GLRA3: variants seen among roughly 807,000 people sequenced by gnomAD.
The protein encoded by GLRA3 is glycine receptor alpha 3.
In GLRA3, 44 loss-of-function variants were observed where a neutral mutation model predicts 60.4. The observed-to-expected ratio is 0.73, with a 90% CI of 0.57 to 0.94. The LOEUF is 0.94. Ranked by LOEUF, GLRA3 falls within the 40% of genes least tolerant of loss-of-function variation. The pLI is 0.00. For synonymous variants in GLRA3, 223 were observed against 192.9 expected (o/e 1.16, Z -1.29); for missense variants, 508 against 564.6 (o/e 0.90, Z 1.02).
At chr4:174,762,628 A>G (rs932350664) in intron 3 of GLRA3, among the ~76,000 whole-genome samples, 1 of 152,296 alleles carries the variant, frequency 6.6e-6, no homozygotes, top group Middle Eastern at 3.4e-3. Flanking sequence ...TCTAACTTCT[A>G]ACGTTCTCAC....
chr4:174,762,453 C>T (rs1737977781), intron 3 of GLRA3, among the ~76,000 whole-genome samples: 1 of 152,098 alleles, frequency 6.6e-6, no homozygotes, highest in African/African-American at 2.4e-5. Flanking sequence ...CTTATCATCT[C>T]AGTGATTTTT....
Position 174,643,735 on chromosome 4 carries a change from A to T in GLRA3, c.*51T>A, listed in dbSNP as rs766902834. The T allele has an allele frequency of 2.5e-6, 4 of 1,580,800 alleles. No individual in the cohort carries two copies. In the East Asian group the frequency reaches 9.0e-5, roughly 35 times the overall value. On this transcript the variant is annotated 3_prime_UTR_variant, in exon 10 of 10. Transcript: ENST00000274093. ...ACATATACACATACACACCTATGGC[A>T]GAGACACTTTCTTCTGAATTGACCA...
intron 4 of GLRA3, among the ~76,000 whole-genome samples, chr4:174,724,500 T>C (rs1736247770): frequency 6.6e-6 from 1 of 152,266 alleles, no homozygotes; most frequent in South Asian, 2.1e-4. Flanking sequence ...ATTTGTTTCT[T>C]TCATTTTCCC....
chr4:174,700,456 TG>T (rs1561064180), intron 5 of GLRA3, among the ~76,000 whole-genome samples: 1 of 152,172 alleles, frequency 6.6e-6, no homozygotes, highest in African/African-American at 2.4e-5. Context: ...TAATTGTTTT[TG>T]GGTGCTACAA....
intron 9 of GLRA3, among the ~76,000 whole-genome samples, chr4:174,645,366 C>T (rs1293890318): frequency 2.7e-5 from 4 of 148,026 alleles, no homozygotes; most frequent in East Asian, 2.0e-4. Context: ...GAGCTGAGAT[C>T]GCACCACTGC....
chr4:174,684,479 A>G (rs1430249281), intron 5 of GLRA3, among the ~76,000 whole-genome samples: 1 of 152,210 alleles, frequency 6.6e-6, no homozygotes, highest in Non-Finnish European at 1.5e-5. Context: ...CTAAAATTTC[A>G]TATTTCTATA....
intron 7 of GLRA3, among the ~76,000 whole-genome samples, chr4:174,675,335 T>C (rs1734074066): frequency 6.6e-6 from 1 of 152,198 alleles, no homozygotes; most frequent in African/African-American, 2.4e-5. Flanking sequence ...CATTCTTCTT[T>C]TTTTTAAGTT....
At position 174,682,915 on chromosome 4, in the gene GLRA3, A is replaced by G. The variant is rs781276380; in HGVS notation, c.599T>C (p.Ile200Thr). ...ESFGYTMNDL[I>T]FEWQDEAPVQ... ...GGGTGCCTCATCTTGCCATTCAAAAATGAGATCATTCATTGTGTACCCAAC... is the reference window on the plus strand; with the variant it reads ...GGGTGCCTCATCTTGCCATTCAAAAGTGAGATCATTCATTGTGTACCCAAC... Residue 200 changes from isoleucine to threonine, a missense_variant, in exon 6 of 10, where the codon ATT becomes ACT. By Grantham distance (89) the Ile-to-Thr change is moderately conservative. Transcript: ENST00000274093. The G allele has an allele frequency of 6.2e-7, 1 of 1,613,230 alleles. No homozygotes were observed. The highest frequency in any genetic ancestry group is 8.5e-7 in the Non-Finnish European group (1 of 1,179,182).
At chr4:174,699,912 C>A (rs1735239972) in intron 5 of GLRA3, among the ~76,000 whole-genome samples, 1 of 151,176 alleles carries the variant, frequency 6.6e-6, no homozygotes, top group Admixed American at 6.6e-5. Flanking sequence ...ATTTGTTAAA[C>A]TTAACAAAAT....
At position 174,777,147 on chromosome 4, in the gene GLRA3, A is replaced by G. The variant is rs1191256566; in HGVS notation, c.200-10117T>C. Among the ~76,000 whole-genome samples the G allele has an allele frequency of 2.6e-5, 4 of 152,202 alleles. No homozygotes were observed. The East Asian group carries it at 5.8e-4, about 22-fold the overall frequency. ...TAAGCAAAAATCCTCCTACTGAAAA[A>G]TGTCCAGAGATAGGCAGAAAAAAAT... On this transcript the variant is annotated intron_variant, in intron 2 of 9. Transcript: ENST00000274093.
At chr4:174,778,072 A>T (rs1738679988) in intron 2 of GLRA3, among the ~76,000 whole-genome samples, 1 of 152,158 alleles carries the variant, frequency 6.6e-6, no homozygotes, top group African/African-American at 2.4e-5. Flanking sequence ...AGAAACTACC[A>T]GTTTCAAGGA....
At chr4:174,742,972 T>C (rs1045186117) in intron 3 of GLRA3, among the ~76,000 whole-genome samples, 1 of 152,174 alleles carries the variant, frequency 6.6e-6, no homozygotes, top group Non-Finnish European at 1.5e-5. Context: ...ACAACCTATT[T>C]GATTATATAA....
chr4:174,818,238 G>T (rs1375627796), intron 1 of GLRA3, among the ~76,000 whole-genome samples: 1 of 152,104 alleles, frequency 6.6e-6, no homozygotes, highest in Non-Finnish European at 1.5e-5. Context: ...TAAAATAAAT[G>T]AGCTATTTCT....
At chr4:174,747,472 GA>G (rs1367123729) in intron 3 of GLRA3, among the ~76,000 whole-genome samples, 1 of 152,126 alleles carries the variant, frequency 6.6e-6, no homozygotes, top group African/African-American at 2.4e-5. Flanking sequence ...GCCAATGAAA[GA>G]GCAGAAAAAT....
chr4:174,793,466 A>ATT (rs1739442865), intron 1 of GLRA3, among the ~76,000 whole-genome samples: 1 of 145,786 alleles, frequency 6.9e-6, no homozygotes, highest in Non-Finnish European at 1.5e-5. Context: ...ATTTATTTAT[A>ATT]TTTAGAGACA....
intron 2 of GLRA3, among the ~76,000 whole-genome samples, chr4:174,778,819 C>T (rs1738724761): frequency 1.3e-5 from 2 of 152,140 alleles, no homozygotes; most frequent in Non-Finnish European, 2.9e-5. Context: ...TTGGAGGGTC[C>T]TACCCCACGG....
chr4:174,820,919 A>G (rs1403556869), intron 1 of GLRA3, among the ~76,000 whole-genome samples: 1 of 151,776 alleles, frequency 6.6e-6, no homozygotes, highest in African/African-American at 2.4e-5. Context: ...TTTAAATTTC[A>G]TAGTAACATT....
intron 1 of GLRA3, among the ~76,000 whole-genome samples, chr4:174,804,587 T>C (rs1739957460): frequency 2.6e-5 from 4 of 152,080 alleles, no homozygotes; most frequent in Admixed American, 2.6e-4. Context: ...GTCCTCAAGA[T>C]TGAAGTAGTG....
intron 5 of GLRA3, among the ~76,000 whole-genome samples, chr4:174,687,382 C>T (rs144769384): frequency 6.6e-6 from 1 of 152,220 alleles, no homozygotes; most frequent in African/African-American, 2.4e-5. Context: ...AATGGGAAGT[C>T]TGCACAAAAT....
Sources: allele counts gnomAD v4.1 joint callset (sites outside exome capture counted in the v4.1 genomes callset), GRCh38; gene constraint gnomAD v4.1.1; transcripts MANE v1.5; gene names NCBI Gene and HGNC (gene_info 2026-07-23, HGNC 2026-07-21).